The following CDH4 variants were observed in gnomAD, a reference collection of about 807,000 sequenced individuals.
The protein encoded by CDH4 is cadherin 4.
CDH4 carries 33 observed loss-of-function variants against 86.0 expected under a neutral mutation model. That is an observed-to-expected ratio of 0.38 (90% confidence interval 0.29 to 0.51). CDH4 has a LOEUF of 0.51. CDH4 is among the 20% of genes least tolerant of loss of function. The pLI is 0.86. For missense variants in CDH4, 1,114 were observed against 1,307.4 expected (o/e 0.85, Z 2.28); for synonymous variants, 555 against 549.4 (o/e 1.01, Z -0.14).
At position 61,549,028 on chromosome 20, in the gene CDH4, G is replaced by A. The variant is rs553536840; in HGVS notation, c.170-194535G>A. On this transcript the variant is annotated intron_variant, in intron 2 of 15. Transcript: ENST00000614565. ...AGCCGCCTTTGGGACGGAGGGAATG[G>A]GGCTCCACGGGGGCAGGCAGATGTT... is the stretch of plus-strand genomic sequence containing the variant. Among the ~76,000 whole-genome samples, 12 of 152,222 alleles carry A rather than the reference G, an allele frequency of 7.9e-5. No homozygotes were observed. The South Asian group carries it at 1.2e-3, about 16-fold the overall frequency.
At chr20:61,410,761 T>G (rs987345592) in intron 2 of CDH4, among the ~76,000 whole-genome samples, 20 of 152,048 alleles carry the variant, frequency 1.3e-4, no homozygotes, top group African/African-American at 4.8e-4. Context: ...CATCTATCCA[T>G]CCATTCATCC....
Position 61,510,299 on chromosome 20 carries a change from C to T in CDH4, c.170-233264C>T, listed in dbSNP as rs2085770499. Among the ~76,000 whole-genome samples, 3 of 152,098 alleles carry T rather than the reference C, an allele frequency of 2.0e-5. No homozygotes were observed. The South Asian group carries it at 6.2e-4, about 32-fold the overall frequency. On this transcript the variant is annotated intron_variant, in intron 2 of 15. Transcript: ENST00000614565. This position sits in a 1 kb window ranked among gnomAD's most constrained non-coding sequence, Gnocchi z 4.2. ...GTGTTTTGGGGGGGCCAGGAACGTG[C>T]ATTCAGGGGAGTTTCTATTTGCCCA...
chr20:61,465,124 G>T (rs1355763288), intron 2 of CDH4, among the ~76,000 whole-genome samples: 1 of 152,232 alleles, frequency 6.6e-6, no homozygotes, highest in African/African-American at 2.4e-5. Context: ...CATACAGAAT[G>T]CTGGAAGGGC....
chr20:61,460,809 G>C (rs768964713), intron 2 of CDH4, among the ~76,000 whole-genome samples: 11 of 152,262 alleles, frequency 7.2e-5, no homozygotes, highest in Non-Finnish European at 1.2e-4. Context: ...GGGGGCTTGA[G>C]AAGGTCATCC....
chr20:61,872,476 C>G (rs74926537), intron 6 of CDH4, among the ~76,000 whole-genome samples: 9,463 of 152,148 alleles, frequency 0.062, 398 homozygotes, highest in East Asian at 0.19. Context: ...GAACGAGCAC[C>G]TCGGGTCTCT....
chr20:61,876,956 T>C (rs370891323), intron 7 of CDH4, among the ~76,000 whole-genome samples: 4 of 152,168 alleles, frequency 2.6e-5, no homozygotes, highest in African/African-American at 9.6e-5. Context: ...TAGCTGAAAA[T>C]CTCACAAGGC....
Position 61,807,489 on chromosome 20 carries a change from C to T in CDH4, c.576+34307C>T, listed in dbSNP as rs1460392133. 1.3e-5 allele frequency among the ~76,000 whole-genome samples: 2 copies of T among 152,230 alleles called. No individual in the cohort carries two copies. Among genetic ancestry groups the T allele is most frequent in the Admixed American group, 6.5e-5 (1 of 15,286 alleles). On this transcript the variant is annotated intron_variant, in intron 4 of 15. Transcript: ENST00000614565. The surrounding 1 kb of genome is among the most constrained non-coding windows in gnomAD (Gnocchi z 4.5). Reference sequence around the variant, plus strand: ...TTTGGAAATCTCCCTCCTCTTTCTACTCCATCTCCTCCCGGCTGGGAAGTT... The same window carrying T: ...TTTGGAAATCTCCCTCCTCTTTCTATTCCATCTCCTCCCGGCTGGGAAGTT...
intron 2 of CDH4, among the ~76,000 whole-genome samples, chr20:61,659,888 C>T (rs372291345): frequency 1.3e-5 from 2 of 152,248 alleles, no homozygotes; most frequent in South Asian, 2.1e-4. Context: ...AGCAGCTCCA[C>T]CTTCTCCTTT....
intron 3 of CDH4, among the ~76,000 whole-genome samples, chr20:61,756,584 T>G (rs1021224921): frequency 4.9e-4 from 16 of 32,846 alleles, no homozygotes; most frequent in African/African-American, 1.9e-3. Flanking sequence ...CCCCATCCCC[T>G]GGTCCCTCCC....
At chr20:61,587,619 C>A (rs1039567070) in intron 2 of CDH4, among the ~76,000 whole-genome samples, 8 of 151,984 alleles carry the variant, frequency 5.3e-5, no homozygotes, top group African/African-American at 1.7e-4. Flanking sequence ...CCCAGCTGAC[C>A]CCATAACCAG....
At chr20:61,805,688 G>A (rs529784357) in intron 4 of CDH4, among the ~76,000 whole-genome samples, 131 of 152,286 alleles carry the variant, frequency 8.6e-4, no homozygotes, top group Non-Finnish European at 1.1e-3. Flanking sequence ...AAACTCCCAC[G>A]AGGCCAGGGC....
chr20:61,263,774 T>C (rs1488867742), intron 2 of CDH4, among the ~76,000 whole-genome samples: 1 of 152,056 alleles, frequency 6.6e-6, no homozygotes, highest in Non-Finnish European at 1.5e-5. Context: ...GCAGGGTGGG[T>C]TCCTTCTGGA....
intron 3 of CDH4, among the ~76,000 whole-genome samples, chr20:61,768,936 CAG>C (rs2088737210): frequency 6.6e-6 from 1 of 152,180 alleles, no homozygotes; most frequent in African/African-American, 2.4e-5. Context: ...CTTTAAAACT[CAG>C]AGTCTGAGAT....
At chr20:61,577,875 A>G (rs1020097955) in intron 2 of CDH4, among the ~76,000 whole-genome samples, 3 of 152,138 alleles carry the variant, frequency 2.0e-5, no homozygotes, top group Non-Finnish European at 4.4e-5. Context: ...ATCATCTAAG[A>G]AGCAAACTAG....
chr20:61,763,060 C>A (rs147308245), intron 3 of CDH4, among the ~76,000 whole-genome samples: 254 of 147,078 alleles, frequency 1.7e-3, no homozygotes, highest in Non-Finnish European at 2.9e-3. Flanking sequence ...CCAGCAGGAT[C>A]AGTGCAGGAC....
chr20:61,637,741 C>T (rs1242052060), intron 2 of CDH4, among the ~76,000 whole-genome samples: 4 of 152,142 alleles, frequency 2.6e-5, no homozygotes, highest in Admixed American at 2.0e-4. Flanking sequence ...GAAAATATGG[C>T]CGGGTGTGGT....
intron 2 of CDH4, among the ~76,000 whole-genome samples, chr20:61,701,970 T>C (rs1331225361): frequency 6.6e-6 from 1 of 152,176 alleles, no homozygotes; most frequent in Non-Finnish European, 1.5e-5. Flanking sequence ...GTCCTCCTCC[T>C]TCGTCAGCTG....
At chr20:61,634,742 C>A (rs908741022) in intron 2 of CDH4, among the ~76,000 whole-genome samples, 3 of 152,200 alleles carry the variant, frequency 2.0e-5, no homozygotes, top group African/African-American at 7.2e-5. Context: ...CATAGCTGTG[C>A]GGACATCACC....
intron 2 of CDH4, among the ~76,000 whole-genome samples, chr20:61,355,073 G>A (rs1402079946): frequency 2.0e-5 from 3 of 152,156 alleles, no homozygotes; most frequent in East Asian, 3.9e-4. Context: ...CAAAACCACT[G>A]TGGGAATAAA....
Sources: allele counts gnomAD v4.1 joint callset (sites outside exome capture counted in the v4.1 genomes callset), GRCh38; gene constraint gnomAD v4.1.1; non-coding constraint Gnocchi (gnomAD v3.1); transcripts MANE v1.5; gene names NCBI Gene and HGNC (gene_info 2026-07-23, HGNC 2026-07-21).